Variants in NUP210 observed in about 807,000 individuals in gnomAD.
NUP210 encodes nucleoporin 210, also known as nuclear pore membrane glycoprotein 210.
NUP210 carries 151 observed loss-of-function variants against 196.0 expected under a neutral mutation model. The observed-to-expected ratio is 0.77, with a 90% CI of 0.67 to 0.88. The LOEUF (loss-of-function observed/expected upper bound fraction) is 0.88. NUP210 is among the 40% of genes least tolerant of loss of function. The pLI, the probability that NUP210 is intolerant of heterozygous loss-of-function variation, is 0.00. For synonymous variants in NUP210, 1,070 were observed against 1,052.7 expected (o/e 1.02, Z -0.32); for missense variants, 2,314 against 2,493.7 (o/e 0.93, Z 1.53).
chr3:13,390,398 G>A (rs536695306), intron 4 of NUP210, among the ~76,000 whole-genome samples: 13 of 152,172 alleles, frequency 8.5e-5, no homozygotes, highest in Non-Finnish European at 1.3e-4. Context: ...GGAGGAAGGC[G>A]GCACAGTCGG....
rs1007547764 is a variant in NUP210 at position 13,352,429 on chromosome 3, G to A, written c.2629-245C>T. Among the ~76,000 whole-genome samples the A allele has an allele frequency of 1.6e-4, 25 of 152,310 alleles. 3 individuals carry two copies. The highest frequency in any genetic ancestry group is 8.5e-4 in the Admixed American group (13 of 15,308). ...TTGGGAGCAATCCAGCTTAGAAGAC[G>A]CCACCCCAACCCACCAGGCCCCAGT... is the stretch of plus-strand genomic sequence containing the variant. On this transcript the variant is annotated intron_variant, in intron 18 of 39. Transcript: ENST00000254508.
rs642414 is a variant in NUP210, at chr3:13,353,677, G to A, written c.2522-17C>T. On this transcript the variant is annotated splice_polypyrimidine_tract_variant and intron_variant, in intron 17 of 39. Transcript: ENST00000254508. ...CCTGCAAACCTGAGACCAGGAAGAAGGAAGCCACCGTTGGATGTCTGCCCA... is the reference window on the plus strand; with the variant it reads ...CCTGCAAACCTGAGACCAGGAAGAAAGAAGCCACCGTTGGATGTCTGCCCA... 1.9e-6 allele frequency: 3 copies of A among 1,608,626 alleles called. No homozygotes were observed. The highest frequency in any genetic ancestry group is 1.7e-6 in the Non-Finnish European group (2 of 1,175,060).
rs1235844430 is a variant in NUP210 at position 13,350,692 on chromosome 3, C to A, written c.2835+1187G>T. On this transcript the variant is annotated intron_variant, in intron 20 of 39. Transcript: ENST00000254508. This position sits in a 1 kb window ranked among gnomAD's most constrained non-coding sequence, Gnocchi z 4.1. ...AGTTACAGGAAAAAAAATAGAAATT[C>A]TTTTTTTTTTTTTTTTTTTGAGATG... 3.8e-5 allele frequency among the ~76,000 whole-genome samples: 5 copies of A among 131,504 alleles called. No individual in the cohort carries two copies. Among genetic ancestry groups the A allele is most frequent in the Non-Finnish European group, 8.2e-5 (5 of 61,168 alleles). 86.3% of individuals were successfully genotyped at this position (131,504 alleles called of 152,430 possible). A position where few individuals can be genotyped will look rare whatever the true frequency, so the allele number is the denominator to read the frequency against.
In NUP210 at chr3:13,353,589, C is replaced by T. The variant is rs943811331; in HGVS notation, c.2593G>A (p.Glu865Lys). The T allele has an allele frequency of 1.2e-6, 2 of 1,614,026 alleles. No individual in the cohort carries two copies. Among genetic ancestry groups the T allele is most frequent in the African/African-American group, 2.7e-5 (2 of 74,910 alleles). The change falls in exon 18 of 40, where the codon GAG becomes AAG. Residue 865 changes from glutamate (E) to lysine (K), a missense_variant. Glu to Lys is a moderately conservative substitution (Grantham distance 56). Coordinates refer to ENST00000254508, the MANE Select transcript of NUP210 (RefSeq NM_024923.4). ...AITATATGYQ[E>K]SHLSSARTKQ... ...GTTCTGGCAGAGCTGAGGTGGGACT[C>T]CTGGTAGCCAGTGGCAGTGGCAGTG...
At chr3:13,397,275 G>C (rs1471379758) in intron 3 of NUP210, 82 bp downstream of exon 3, 3 of 1,504,804 alleles carry the variant, frequency 2.0e-6, no homozygotes, top group Non-Finnish European at 2.7e-6. Context: ...AGAGGAGTGG[G>C]GAATGCAGAG....
intron 31 of NUP210, among the ~76,000 whole-genome samples, chr3:13,328,119 G>A (rs896006319): frequency 2.0e-5 from 3 of 152,260 alleles, no homozygotes; most frequent in African/African-American, 4.8e-5. Context: ...ATGACCTGCA[G>A]TGCAGCCAAA....
chr3:13,346,699 G>A (rs35824618), intron 20 of NUP210, among the ~76,000 whole-genome samples: 2,255 of 152,302 alleles, frequency 0.015, 20 homozygotes, highest in South Asian at 0.056. Flanking sequence ...GATTTGTCCC[G>A]ACAGGTGGCG....
chr3:13,396,061 T>A (rs1485077229), intron 3 of NUP210, among the ~76,000 whole-genome samples: 8 of 152,202 alleles, frequency 5.3e-5, no homozygotes, highest in Non-Finnish European at 1.2e-4. Context: ...ATCTGATGAA[T>A]GGGTAAGCGG....
chr3:13,413,743 G>A (rs1700253796), intron 1 of NUP210, among the ~76,000 whole-genome samples: 1 of 152,180 alleles, frequency 6.6e-6, no homozygotes, highest in Non-Finnish European at 1.5e-5. Context: ...TTGGGAAGAT[G>A]AAAGAGTTCT....
At position 13,322,227 on chromosome 3, in the gene NUP210, C is replaced by A. The variant is rs759047679; in HGVS notation, c.4881G>T (p.Val1627=). 6.2e-7 allele frequency: 1 copy of A among 1,614,126 alleles called. No homozygotes were observed. Among genetic ancestry groups the A allele is most frequent in the African/African-American group, 1.3e-5 (1 of 74,946 alleles). ...PAVFDFPSQD[V]FTVEPQFDTA... ...TGTCAAACTGTGGCTCCACGGTGAA[C>A]ACATCTTGAGATGGGAAATCAAAGA... is the stretch of plus-strand genomic sequence containing the variant. Residue 1627 remains valine (V), a synonymous_variant, in exon 35 of 40, where the codon GTG becomes GTT. Coordinates refer to ENST00000254508, the MANE Select transcript of NUP210 (RefSeq NM_024923.4).
At position 13,391,967 on chromosome 3, in the gene NUP210, A is replaced by C. The variant is rs138580648; in HGVS notation, c.437-660T>G. Reference sequence around the variant, plus strand: ...CAAGTCTAGTTCTCACCTCCTCTTGAAAGGATGAAGATCCACCCACCTGGG... The same window carrying C: ...CAAGTCTAGTTCTCACCTCCTCTTGCAAGGATGAAGATCCACCCACCTGGG... On this transcript the variant is annotated intron_variant, in intron 3 of 39. Coordinates refer to ENST00000254508, the MANE Select transcript of NUP210 (RefSeq NM_024923.4). Among the ~76,000 whole-genome samples the C allele has an allele frequency of 5.3e-5, 8 of 152,122 alleles. No homozygotes were observed. In the East Asian group the frequency reaches 1.4e-3, roughly 26 times the overall value.
At chr3:13,371,204 G>A (rs1164336251) in intron 13 of NUP210, among the ~76,000 whole-genome samples, 1 of 152,188 alleles carries the variant, frequency 6.6e-6, no homozygotes, top group Non-Finnish European at 1.5e-5. Flanking sequence ...TGTCAGCCAC[G>A]CCCAGATCTG....
rs992756481 is a variant in NUP210, at chr3:13,343,265, G to C, written c.2874C>G (p.Ile958Met). ...CCGGGAAGACGAGGCACAAGTCATG[G>C]ATCATGATGGTGGATGAGCCCGGGA... ...PLLPGSSTIM[I>M]HDLCLVFPAP... is the part of the protein sequence containing the mutation. Residue 958 changes from isoleucine (I) to methionine (M), a missense_variant, in exon 21 of 40, where the codon ATC becomes ATG. Transcript: ENST00000254508. 12 of 1,423,754 alleles carry C rather than the reference G, an allele frequency of 8.4e-6. No homozygotes were observed. Among genetic ancestry groups the C allele is most frequent in the Non-Finnish European group, 1.1e-5 (12 of 1,059,634 alleles). 88.2% of individuals were successfully genotyped at this position (1,423,754 alleles called of 1,614,324 possible).
chr3:13,397,533 C>T (rs1483448624), intron 2 of NUP210, 45 bp from the exon 3 acceptor site: 2 of 1,514,574 alleles, frequency 1.3e-6, no homozygotes, highest in Non-Finnish European at 1.8e-6. Context: ...ACAGTCCCCG[C>T]CCCTGGCTCC....
intron 14 of NUP210, among the ~76,000 whole-genome samples, chr3:13,360,748 G>A (rs967981821): frequency 2.6e-5 from 4 of 152,148 alleles, no homozygotes; most frequent in Admixed American, 2.6e-4. Flanking sequence ...TGCCTCTTTC[G>A]TCAAACAATC....
chr3:13,415,008 C>A (rs1047778684), intron 1 of NUP210, among the ~76,000 whole-genome samples: 10 of 152,130 alleles, frequency 6.6e-5, no homozygotes, highest in Admixed American at 2.0e-4. Flanking sequence ...GAGGCTGAGG[C>A]GGGTAGATCA....
chr3:13,416,172 T>A (rs1188363180), intron 1 of NUP210, among the ~76,000 whole-genome samples: 1 of 152,138 alleles, frequency 6.6e-6, no homozygotes, highest in Admixed American at 6.5e-5. Context: ...AGAGAGGGTG[T>A]ACCCTGGTGC....
At chr3:13,410,710 G>A (rs1700145462) in intron 1 of NUP210, among the ~76,000 whole-genome samples, 1 of 149,174 alleles carries the variant, frequency 6.7e-6, no homozygotes, top group Non-Finnish European at 1.5e-5. Flanking sequence ...GAGGTCAGGA[G>A]ATCGAGACCA....
intron 31 of NUP210, among the ~76,000 whole-genome samples, 162 bp from the exon 32 acceptor site, chr3:13,327,599 A>C (rs1696820475): frequency 6.6e-6 from 1 of 152,200 alleles, no homozygotes; most frequent in South Asian, 2.1e-4. Context: ...GCCCCAGATG[A>C]GGGACCACTG....
Sources: allele counts gnomAD v4.1 joint callset (sites outside exome capture counted in the v4.1 genomes callset), GRCh38; gene constraint gnomAD v4.1.1; non-coding constraint Gnocchi (gnomAD v3.1); transcripts MANE v1.5; gene names NCBI Gene and HGNC (gene_info 2026-07-23, HGNC 2026-07-21).